SAV1: variants seen among roughly 807,000 people sequenced by gnomAD.
The protein encoded by SAV1 is salvador family WW domain containing protein 1.
SAV1 carries 23 observed loss-of-function variants against 47.3 expected under a neutral mutation model. The observed-to-expected ratio is 0.49, with a 90% confidence interval of 0.35 to 0.69. SAV1 has a LOEUF of 0.69. Ranked by LOEUF, SAV1 falls within the 30% of genes least tolerant of loss-of-function variation. The probability of loss-of-function intolerance (pLI) is 0.01; values close to 1 mark genes in which losing one functional copy is unlikely to be tolerated. For synonymous variants in SAV1, 155 were observed against 159.2 expected (o/e 0.97, Z 0.20); for missense variants, 448 against 457.4 (o/e 0.98, Z 0.19).
Position 50,640,828 on chromosome 14 carries a change from G to T in SAV1, c.872C>A (p.Ser291Tyr), listed in dbSNP as rs1458615039. ...ATATGGATTTGCAGGTACCAGAAGGGACTGATTTCTTTCAGTTTGCTGTGG... is the reference window on the plus strand; with the variant it reads ...ATATGGATTTGCAGGTACCAGAAGGTACTGATTTCTTTCAGTTTGCTGTGG... ...YQPQQTERNQ[S>Y]LLVPANPYHT... Residue 291 changes from serine to tyrosine, a missense_variant, in exon 4 of 5, where the codon TCC becomes TAC. Coordinates refer to ENST00000324679, the MANE Select transcript of SAV1 (RefSeq NM_021818.4). The T allele has an allele frequency of 1.2e-6, 2 of 1,613,834 alleles. No individual in the cohort carries two copies. Among genetic ancestry groups the T allele is most frequent in the Non-Finnish European group, 1.7e-6 (2 of 1,179,856 alleles).
chr14:50,657,575 T>C (rs899779203), intron 2 of SAV1, among the ~76,000 whole-genome samples: 5 of 152,220 alleles, frequency 3.3e-5, no homozygotes, highest in Non-Finnish European at 5.9e-5. Flanking sequence ...AAAATATGAC[T>C]ACCACTAGTA....
At chr14:50,638,663 C>T (rs1397290807) in intron 4 of SAV1, among the ~76,000 whole-genome samples, 2 of 152,164 alleles carry the variant, frequency 1.3e-5, no homozygotes, top group Non-Finnish European at 2.9e-5. Context: ...AAAAAATACC[C>T]CTGCCACACA....
chr14:50,641,011 C>A, intron 3 of SAV1, 118 bp from the exon 4 acceptor site: 1 of 886,662 alleles, frequency 1.1e-6, no homozygotes, highest in Non-Finnish European at 1.7e-6. Flanking sequence ...AACTGACTTA[C>A]ACCACCTGAA....
chr14:50,654,018 G>C (rs984538455), intron 2 of SAV1, among the ~76,000 whole-genome samples: 1 of 152,194 alleles, frequency 6.6e-6, no homozygotes, highest in African/African-American at 2.4e-5. Context: ...TGAGTTCACA[G>C]CATCTTTTTG....
At chr14:50,660,526 T>A (rs188095117) in intron 2 of SAV1, among the ~76,000 whole-genome samples, 1 of 152,222 alleles carries the variant, frequency 6.6e-6, no homozygotes, top group African/African-American at 2.4e-5. Flanking sequence ...ATGGGGTACA[T>A]GTGATATTGT....
At chr14:50,651,352 AATTAATAAAATTGGGTATTTACAGGGGG>A (rs2039768198) in intron 2 of SAV1, among the ~76,000 whole-genome samples, 1 of 152,208 alleles carries the variant, frequency 6.6e-6, no homozygotes, top group South Asian at 2.1e-4. Flanking sequence ...ATGTAACAAA[AATTAATAAAATTGGGTATTTACAGGGGG>A]AGGAAGGAAA....
Position 50,640,814 on chromosome 14 carries a change from C to T in SAV1, c.886G>A (p.Ala296Thr), listed in dbSNP as rs868440147. Residue 296 changes from alanine (A) to threonine (T), a missense_variant, in exon 4 of 5, where the codon GCA (alanine) becomes ACA (threonine). Transcript: ENST00000324679. ...TERNQSLLVP[A>T]NPYHTAEIPD... ...ATTTCTGCAGTATGATATGGATTTGCAGGTACCAGAAGGGACTGATTTCTT... is the reference window on the plus strand; with the variant it reads ...ATTTCTGCAGTATGATATGGATTTGTAGGTACCAGAAGGGACTGATTTCTT... 1 of 1,613,844 alleles carries T rather than the reference C, an allele frequency of 6.2e-7. No individual in the cohort carries two copies. Among genetic ancestry groups the T allele is most frequent in the Non-Finnish European group, 8.5e-7 (1 of 1,179,864 alleles).
At chr14:50,647,794 A>C (rs921353189) in intron 2 of SAV1, among the ~76,000 whole-genome samples, 1 of 152,236 alleles carries the variant, frequency 6.6e-6, no homozygotes, top group Admixed American at 6.5e-5. Context: ...TGACAATGCA[A>C]GTGCTTACAT....
intron 2 of SAV1, among the ~76,000 whole-genome samples, chr14:50,645,266 A>G (rs1449460334): frequency 6.6e-6 from 1 of 152,170 alleles, no homozygotes; most frequent in East Asian, 1.9e-4. Flanking sequence ...CAGGCCATAC[A>G]AACACTTAAC....
At chr14:50,664,722 GA>G (rs1566748756) in intron 2 of SAV1, 1 of 152,630 alleles carries the variant, frequency 6.6e-6, no homozygotes, top group African/African-American at 2.4e-5. Flanking sequence ...AGGATCTAGC[GA>G]AGTAATGTGG....
rs2039613153 is a variant in SAV1 at position 50,634,268 on chromosome 14, T to C, written c.*915A>G. The C allele has an allele frequency of 2.5e-6, 1 of 398,238 alleles. No homozygotes were observed. Among genetic ancestry groups the C allele is most frequent in the Non-Finnish European group, 5.2e-6 (1 of 192,148 alleles). 24.7% of individuals were successfully genotyped at this position (398,238 alleles called of 1,614,324 possible). A position where few individuals can be genotyped will look rare whatever the true frequency, so the allele number is the denominator to read the frequency against. Reference sequence around the variant, plus strand: ...CCTGCTTATATGTATTCCTGAAAGATTAAAAGGCCCGTCACCCATTCATAC... The same window carrying C: ...CCTGCTTATATGTATTCCTGAAAGACTAAAAGGCCCGTCACCCATTCATAC... On this transcript the variant is annotated 3_prime_UTR_variant, in exon 5 of 5. Coordinates refer to ENST00000324679, the MANE Select transcript of SAV1 (RefSeq NM_021818.4).
intron 2 of SAV1, among the ~76,000 whole-genome samples, chr14:50,652,292 C>T (rs2039775854): frequency 6.6e-6 from 1 of 152,068 alleles, no homozygotes; most frequent in Non-Finnish European, 1.5e-5. Flanking sequence ...CTTAAACTGC[C>T]AACAGTATGA....
intron 4 of SAV1, among the ~76,000 whole-genome samples, chr14:50,639,088 A>G (rs2039660646): frequency 6.6e-6 from 1 of 152,186 alleles, no homozygotes; most frequent in Admixed American, 6.5e-5. Context: ...ATTTTATCCT[A>G]TAGTTCAGCT....
Position 50,635,247 on chromosome 14 carries a change from G to GT in SAV1, c.1087dup (p.Thr363AsnfsTer24). On this transcript the variant is annotated frameshift_variant, in exon 5 of 5. Transcript: ENST00000324679. LOFTEE classifies it high-confidence loss of function. ...TCTCTGCTTTCGGTTTTCCAACTCT[G>GT]TAAGAAGGGCTTGTCTGTATGCTTC... The GT allele has an allele frequency of 6.2e-7, 1 of 1,614,100 alleles. No individual in the cohort carries two copies. Among genetic ancestry groups the GT allele is most frequent in the Non-Finnish European group, 8.5e-7 (1 of 1,180,022 alleles).
intron 2 of SAV1, 42 bp from the exon 3 acceptor site, chr14:50,645,056 T>G: frequency 6.5e-7 from 1 of 1,548,936 alleles, no homozygotes; most frequent in Non-Finnish European, 8.7e-7. Context: ...ACAGAACAAT[T>G]ATTCAATGCA....
At chr14:50,651,043 A>G (rs997465515) in intron 2 of SAV1, among the ~76,000 whole-genome samples, 9 of 113,154 alleles carry the variant, frequency 8.0e-5, no homozygotes, top group African/African-American at 3.2e-4. Context: ...AAAGAAAGAA[A>G]GAAATGGATC....
intron 2 of SAV1, among the ~76,000 whole-genome samples, chr14:50,657,592 AAAGC>A (rs2140261195): frequency 6.6e-6 from 1 of 152,348 alleles, no homozygotes; most frequent in African/African-American, 2.4e-5. Context: ...AGTAAAAGAA[AAAGC>A]AAGCCACCAA....
chr14:50,666,511 A>G (rs2039902299), intron 1 of SAV1, among the ~76,000 whole-genome samples: 1 of 152,202 alleles, frequency 6.6e-6, no homozygotes, highest in African/African-American at 2.4e-5. Flanking sequence ...CACTGGACAG[A>G]AACAAATATC....
intron 2 of SAV1, 82 bp downstream of exon 2, chr14:50,665,097 C>T (rs1488381756): frequency 1.4e-6 from 2 of 1,463,660 alleles, no homozygotes; most frequent in Non-Finnish European, 9.0e-7. Context: ...GTTCGTGTCC[C>T]AAGAAAATCT....
Sources: gnomAD v4.1 joint callset for allele counts (sites outside exome capture counted in the v4.1 genomes callset) on GRCh38, gnomAD v4.1.1 for gene constraint, MANE v1.5 for transcripts, NCBI Gene and HGNC (gene_info 2026-07-23, HGNC 2026-07-21) for gene names.